The following ZNF536 variants were observed in gnomAD, a reference collection of about 807,000 sequenced individuals.
The protein encoded by ZNF536 is zinc finger protein 536.
A neutral mutation model predicts 84.5 loss-of-function variants in ZNF536; 13 were observed. The observed-to-expected ratio is 0.15, with a 90% CI of 0.10 to 0.24. The LOEUF is 0.24. ZNF536 is among the 10% of genes least tolerant of loss of function. The probability of loss-of-function intolerance (pLI) is 1.00; values close to 1 mark genes in which losing one functional copy is unlikely to be tolerated. For missense variants in ZNF536, 1,536 were observed against 1,747.5 expected, an observed-to-expected ratio of 0.88 and a Z score of 2.16; for synonymous variants, 811 against 742.5, an observed-to-expected ratio of 1.09 and a Z score of -1.50.
At chr19:30,466,025 C>T (rs1024006884) in intron 2 of ZNF536, among the ~76,000 whole-genome samples, 2 of 152,088 alleles carry the variant, frequency 1.3e-5, no homozygotes, top group Non-Finnish European at 2.9e-5. Context: ...GCTGGGATTA[C>T]AGGCATGAGC....
intron 1 of ZNF536, among the ~76,000 whole-genome samples, chr19:30,388,886 C>A (rs1311015194): frequency 6.6e-6 from 1 of 152,178 alleles, no homozygotes; most frequent in Non-Finnish European, 1.5e-5. Context: ...CTCATTCAGA[C>A]AGCTGGCAAT....
chr19:30,401,880 C>T (rs1472980524), intron 1 of ZNF536, among the ~76,000 whole-genome samples: 1 of 152,078 alleles, frequency 6.6e-6, no homozygotes, highest in Admixed American at 6.5e-5. Flanking sequence ...TTTGTGACAA[C>T]TTATTTGTAC....
intron 2 of ZNF536, among the ~76,000 whole-genome samples, chr19:30,303,038 G>A (rs1177540527): frequency 6.6e-6 from 1 of 152,180 alleles, no homozygotes; most frequent in Non-Finnish European, 1.5e-5. Flanking sequence ...TTCATAGACA[G>A]GGGTGCTCAA....
intron 1 of ZNF536, among the ~76,000 whole-genome samples, chr19:30,231,760 G>T (rs73021608): frequency 0.013 from 1,932 of 152,248 alleles, 25 homozygotes; most frequent in Non-Finnish European, 0.022. Flanking sequence ...GCTAAGCCAG[G>T]GAGTGGCCCC....
In ZNF536 at chr19:30,526,723, CAA is replaced by C. The variant is rs766704469; in HGVS notation, c.2171-8103_2171-8102del. Among the ~76,000 whole-genome samples, 67 of 46,852 alleles carry C rather than the reference CAA, an allele frequency of 1.4e-3. 1 individual carries two copies. The highest frequency in any genetic ancestry group is 3.9e-3 in the East Asian group (8 of 2,064). The allele number at this position is 46,852 out of a possible 152,430, so 30.7% of individuals were successfully genotyped here. ...TGGGCGACAGAGCGAGACTCCGTCTCAAAAAAAAAAAAAAAAAAAAAAGAACG... is the reference window on the plus strand; with the variant it reads ...TGGGCGACAGAGCGAGACTCCGTCTCAAAAAAAAAAAAAAAAAAAAGAACG... On this transcript the variant is annotated intron_variant, in intron 2 of 4. Transcript: ENST00000355537.
At chr19:30,481,825 C>T (rs1242353215) in intron 2 of ZNF536, among the ~76,000 whole-genome samples, 1 of 152,076 alleles carries the variant, frequency 6.6e-6, no homozygotes, top group East Asian at 1.9e-4. Context: ...CTCACCCCTC[C>T]CGCCCTCACC....
intron 1 of ZNF536, among the ~76,000 whole-genome samples, chr19:30,640,353 C>T (rs1297359711): frequency 6.6e-6 from 1 of 152,158 alleles, no homozygotes; most frequent in African/African-American, 2.4e-5. Context: ...TTGTTACAGG[C>T]TCTTTTACTA....
At chr19:30,498,699 G>A (rs981658846) in intron 2 of ZNF536, among the ~76,000 whole-genome samples, 9 of 152,284 alleles carry the variant, frequency 5.9e-5, no homozygotes, top group African/African-American at 1.4e-4. Context: ...AATAAGAGGC[G>A]GAGTGGCTGT....
intron 1 of ZNF536, among the ~76,000 whole-genome samples, chr19:30,567,877 A>G (rs1236258728): frequency 2.6e-5 from 4 of 152,070 alleles, no homozygotes; most frequent in Non-Finnish European, 5.9e-5. Flanking sequence ...TCTGAACTTG[A>G]GCTTCCAGAG....
chr19:30,227,227 C>T (rs1249854311), upstream of ZNF536, among the ~76,000 whole-genome samples: 2 of 152,132 alleles, frequency 1.3e-5, no homozygotes, highest in African/African-American at 4.8e-5. Context: ...GGAGTGAACT[C>T]CGGCAGGGCT....
At chr19:30,690,942 T>A (rs1311292314) in intron 1 of ZNF536, among the ~76,000 whole-genome samples, 3 of 152,178 alleles carry the variant, frequency 2.0e-5, no homozygotes, top group Non-Finnish European at 2.9e-5. Context: ...AGCAAATCAT[T>A]GTAGAAGGAA....
chr19:30,658,036 T>TC (rs1423098319), intron 1 of ZNF536, among the ~76,000 whole-genome samples: 3 of 148,996 alleles, frequency 2.0e-5, no homozygotes, highest in Non-Finnish European at 4.5e-5. Context: ...CCCTTTTTTT[T>TC]CCTTCAGATC....
intron 4 of ZNF536, chr19:30,556,288 T>G (rs2045962505): frequency 6.6e-6 from 1 of 152,324 alleles, no homozygotes; most frequent in Non-Finnish European, 1.5e-5. Flanking sequence ...GTTCTGCCCC[T>G]GCTGGCTGCC....
intron 3 of ZNF536, among the ~76,000 whole-genome samples, chr19:30,542,988 T>G (rs1568533819): frequency 6.6e-6 from 1 of 152,144 alleles, no homozygotes; most frequent in South Asian, 2.1e-4. Context: ...ATTTTTAAAT[T>G]TTTTGTAGAA....
chr19:30,533,606 A>C (rs2044948794), intron 2 of ZNF536, among the ~76,000 whole-genome samples: 1 of 152,198 alleles, frequency 6.6e-6, no homozygotes, highest in South Asian at 2.1e-4. Context: ...AGCAGAGAAC[A>C]CCAGGAACAG....
At chr19:30,690,852 T>C (rs958452104) in intron 1 of ZNF536, among the ~76,000 whole-genome samples, 2 of 152,218 alleles carry the variant, frequency 1.3e-5, no homozygotes, top group Admixed American at 1.3e-4. Flanking sequence ...GAGGATCTGA[T>C]AAAAACCACT....
At chr19:30,423,957 C>T (rs1263176149) in intron 1 of ZNF536, among the ~76,000 whole-genome samples, 1 of 152,168 alleles carries the variant, frequency 6.6e-6, no homozygotes, top group African/African-American at 2.4e-5. Context: ...GAAAAAAAGA[C>T]AGGGGGCAAG....
chr19:30,404,635 G>A (rs2050191176), intron 1 of ZNF536, among the ~76,000 whole-genome samples: 1 of 152,192 alleles, frequency 6.6e-6, no homozygotes, highest in Non-Finnish European at 1.5e-5. Flanking sequence ...ATTGCTGTTT[G>A]TTTCTAGAAA....
intron 1 of ZNF536, among the ~76,000 whole-genome samples, chr19:30,266,387 G>A (rs1340738658): frequency 3.3e-5 from 5 of 152,132 alleles, no homozygotes; most frequent in African/African-American, 9.7e-5. Flanking sequence ...CGGTCAGACT[G>A]ATTGGCACCA....
Sources: gnomAD v4.1 joint callset for allele counts (sites outside exome capture counted in the v4.1 genomes callset) on GRCh38, gnomAD v4.1.1 for gene constraint, MANE v1.5 for transcripts, NCBI Gene and HGNC (gene_info 2026-07-23, HGNC 2026-07-21) for gene names.